The following CYFIP2 variants were observed in gnomAD, a reference collection of about 807,000 sequenced individuals.
The protein encoded by CYFIP2 is cytoplasmic FMR1-interacting protein 2.
Under a neutral mutation model 158.7 loss-of-function variants are expected in CYFIP2, and 29 were observed. The observed-to-expected ratio is 0.18, with a 90% confidence interval of 0.14 to 0.25. CYFIP2 has a LOEUF of 0.25. CYFIP2 is among the 10% of genes least tolerant of loss of function. The pLI, the probability that CYFIP2 is intolerant of heterozygous loss-of-function variation, is 1.00. For synonymous variants in CYFIP2, 585 were observed against 617.6 expected, an observed-to-expected ratio of 0.95 and a Z score of 0.78; for missense variants, 852 against 1,639.5, an observed-to-expected ratio of 0.52 and a Z score of 8.29.
At chr5:157,374,228 T>C (rs1765255268) in intron 26 of CYFIP2, among the ~76,000 whole-genome samples, 1 of 152,218 alleles carries the variant, frequency 6.6e-6, no homozygotes, top group African/African-American at 2.4e-5. Flanking sequence ...GGTTGATGTA[T>C]GAGGTGACCC....
intron 10 of CYFIP2, among the ~76,000 whole-genome samples, chr5:157,310,558 T>A (rs755170721): frequency 6.6e-6 from 1 of 152,234 alleles, no homozygotes; most frequent in Non-Finnish European, 1.5e-5. Context: ...ATGTAGTCGC[T>A]TCATCACCCT....
intron 23 of CYFIP2, among the ~76,000 whole-genome samples, chr5:157,357,977 G>C (rs1314994020): frequency 3.9e-5 from 6 of 152,226 alleles, no homozygotes; most frequent in Non-Finnish European, 7.3e-5. Flanking sequence ...TTCAGGGTGA[G>C]TGCAGGCTTT....
chr5:157,295,097 T>C (rs1758146775), intron 4 of CYFIP2, among the ~76,000 whole-genome samples: 1 of 152,138 alleles, frequency 6.6e-6, no homozygotes, highest in African/African-American at 2.4e-5. Context: ...TCCAAAGCAG[T>C]ATATGGTAAC....
chr5:157,298,530 G>C (rs918291057), intron 5 of CYFIP2, among the ~76,000 whole-genome samples: 15 of 146,790 alleles, frequency 1.0e-4, no homozygotes, highest in African/African-American at 3.5e-4. Flanking sequence ...TTTTTTAGTA[G>C]ATATGGGGTT....
intron 23 of CYFIP2, among the ~76,000 whole-genome samples, chr5:157,351,655 T>C (rs533087039): frequency 2.0e-4 from 31 of 152,340 alleles, no homozygotes; most frequent in African/African-American, 7.2e-4. Context: ...CCTGGGCCTG[T>C]TGGCCACTAG....
chr5:157,382,607 C>T lies in CYFIP2; in HGVS notation c.3057C>T (p.Cys1019=), dbSNP rs1001146014. The T allele has an allele frequency of 2.0e-5, 32 of 1,613,876 alleles. No individual in the cohort carries two copies. The highest frequency in any genetic ancestry group is 1.8e-4 in the East Asian group (8 of 44,898). The part of the protein sequence containing the change: ...IEQALSQEEV[C]DLLHAAPFQN... ...CTCTGCAGTCTCAGGAGGAGGTCTG[C>T]GATTTGCTCCATGCCGCACCCTTCC... Residue 1019 remains cysteine (C), a synonymous_variant, in exon 27 of 31, where the codon TGC becomes TGT. Transcript: ENST00000620254.
In CYFIP2 at chr5:157,309,667, A is replaced by G; in HGVS notation, c.901-76A>G. On this transcript the variant is annotated intron_variant, in intron 9 of 30. Coordinates refer to ENST00000620254, the MANE Select transcript of CYFIP2 (RefSeq NM_001037333.3). ...AGGCACACACAGAGGCCTGCCTCCC[A>G]CAGTGGGGTGGCAGCGAAGGCAGCC... The G allele has an allele frequency of 2.3e-6, 3 of 1,321,724 alleles. No individual in the cohort carries two copies. The South Asian group carries it at 3.8e-5, about 17-fold the overall frequency. The allele number at this position is 1,321,724 out of a possible 1,614,324, so 81.9% of individuals were successfully genotyped here. A position where few individuals can be genotyped will look rare whatever the true frequency, so the allele number is the denominator to read the frequency against.
intron 15 of CYFIP2, among the ~76,000 whole-genome samples, chr5:157,323,502 C>T (rs1226034665): frequency 6.6e-6 from 1 of 152,206 alleles, no homozygotes; most frequent in Non-Finnish European, 1.5e-5. Context: ...GCTTTGTTGC[C>T]TAAGGTCACA....
At chr5:157,368,057 C>T (rs1195167541) in intron 26 of CYFIP2, among the ~76,000 whole-genome samples, 1 of 151,756 alleles carries the variant, frequency 6.6e-6, no homozygotes, top group Non-Finnish European at 1.5e-5. Context: ...CATGCCCAGC[C>T]GACCTCTGTT....
chr5:157,380,378 A>T (rs1315234900), intron 26 of CYFIP2, among the ~76,000 whole-genome samples: 1 of 152,236 alleles, frequency 6.6e-6, no homozygotes, highest in Admixed American at 6.5e-5. Flanking sequence ...ACAAACCATG[A>T]ACTGAATTCA....
intron 26 of CYFIP2, among the ~76,000 whole-genome samples, chr5:157,362,090 G>A (rs967186602): frequency 6.6e-6 from 1 of 152,230 alleles, no homozygotes; most frequent in South Asian, 2.1e-4. Flanking sequence ...CTATCGTCTT[G>A]AAGTGGGTGG....
At chr5:157,298,400 C>T (rs531364578) in intron 5 of CYFIP2, among the ~76,000 whole-genome samples, 14 of 152,124 alleles carry the variant, frequency 9.2e-5, no homozygotes, top group African/African-American at 1.2e-4. Context: ...GACACTATCT[C>T]GGCTCACTGC....
chr5:157,277,022 G>A (rs1434048570), intron 1 of CYFIP2: 1 of 150,174 alleles, frequency 6.7e-6, no homozygotes, highest in Non-Finnish European at 1.5e-5. Context: ...TTATCTGTAT[G>A]GGTTTTTTCT....
At chr5:157,386,100 A>G (rs1479728895) in intron 28 of CYFIP2, among the ~76,000 whole-genome samples, 5 of 152,246 alleles carry the variant, frequency 3.3e-5, no homozygotes, top group African/African-American at 1.2e-4. Context: ...TACAATGTTA[A>G]CACACACGGA....
In CYFIP2 at chr5:157,335,803, G is replaced by A. The variant is rs550878350; in HGVS notation, c.2385+2357G>A. Among the ~76,000 whole-genome samples, 142 of 152,106 alleles carry A rather than the reference G, an allele frequency of 9.3e-4. 1 individual carries two copies. The highest frequency in any genetic ancestry group is 3.1e-3 in the African/African-American group (130 of 41,480). On this transcript the variant is annotated intron_variant, in intron 21 of 30. Transcript: ENST00000620254. Reference sequence around the variant, plus strand: ...TTAGCAGTGATTAGCTCCAAGTGGCGGGATTTTTTTTTCTTTTTTGTTTAT... The same window carrying A: ...TTAGCAGTGATTAGCTCCAAGTGGCAGGATTTTTTTTTCTTTTTTGTTTAT...
At chr5:157,325,724 A>G in intron 17 of CYFIP2, 86 bp downstream of exon 17, 1 of 1,402,008 alleles carries the variant, frequency 7.1e-7, no homozygotes, top group Non-Finnish European at 9.5e-7. Flanking sequence ...TTCCAGAAGG[A>G]AGCACTGAGT....
intron 23 of CYFIP2, among the ~76,000 whole-genome samples, chr5:157,347,585 G>A (rs890517586): frequency 2.6e-5 from 4 of 152,182 alleles, no homozygotes; most frequent in Admixed American, 6.5e-5. Flanking sequence ...GAAAGGCCAC[G>A]CAGCTGTTTG....
rs375268400 is a variant in CYFIP2, at chr5:157,389,182, T to C, written c.3208-7T>C. ...GATAGAAGGTGTATGTGCCCTTCTG[T>C]TTCCAGCAAATCGCCATTGCTCGCG... is the stretch of plus-strand genomic sequence containing the variant. On this transcript the variant is annotated splice_polypyrimidine_tract_variant and splice_region_variant and intron_variant, in intron 28 of 30. Transcript: ENST00000620254. The C allele has an allele frequency of 3.6e-5, 57 of 1,603,074 alleles. No homozygotes were observed. In the African/African-American group the frequency reaches 6.5e-4, roughly 18 times the overall value.
chr5:157,318,303 T>C (rs895306), intron 13 of CYFIP2, among the ~76,000 whole-genome samples: 53,336 of 152,082 alleles, frequency 0.35, 11,019 homozygotes, highest in African/African-American at 0.58. Flanking sequence ...TCTAGAGTTG[T>C]AAAGATTTTT....
Sources: allele counts gnomAD v4.1 joint callset (sites outside exome capture counted in the v4.1 genomes callset), GRCh38; gene constraint gnomAD v4.1.1; transcripts MANE v1.5; gene names NCBI Gene and HGNC (gene_info 2026-07-23, HGNC 2026-07-21).